Variants in TMEM273 observed in about 807,000 individuals in gnomAD.
TMEM273 encodes chromosome 10 open reading frame 128.
In TMEM273, 19 loss-of-function variants were observed where a neutral mutation model predicts 17.9. The ratio of observed to expected loss-of-function variants is 1.06; its 90% CI spans 0.74 to 1.55. TMEM273 has a LOEUF of 1.55. TMEM273 is among the 40% of genes most tolerant of loss of function. The pLI is 0.00. For missense variants in TMEM273, 194 were observed against 155.6 expected (o/e 1.25, Z -1.31); for synonymous variants, 66 against 62.0 (o/e 1.07, Z -0.31).
rs368180537 is a variant in TMEM273, at chr10:49,166,850, C to G, written c.238+19G>C. The G allele has an allele frequency of 3.1e-6, 5 of 1,612,630 alleles. No homozygotes were observed. Among genetic ancestry groups the G allele is most frequent in the East Asian group, 2.2e-5 (1 of 44,894 alleles). Reference sequence around the variant, plus strand: ...TCGCTGGGTGGGGCAGAGCCAGGCCCGAGCACCACATCCCTCACCACTGAG... The same window carrying G: ...TCGCTGGGTGGGGCAGAGCCAGGCCGGAGCACCACATCCCTCACCACTGAG... On this transcript the variant is annotated intron_variant, in intron 3 of 6. Coordinates refer to ENST00000374153, the MANE Select transcript of TMEM273 (RefSeq NM_001288740.3).
chr10:49,173,045 G>T (rs1846686637), intron 1 of TMEM273, among the ~76,000 whole-genome samples: 1 of 152,208 alleles, frequency 6.6e-6, no homozygotes, highest in African/African-American at 2.4e-5. Context: ...TGAGAAGCAA[G>T]AATGTCTTCC....
chr10:49,159,799 C>G (rs74554464), intron 6 of TMEM273, among the ~76,000 whole-genome samples: 4,039 of 152,128 alleles, frequency 0.027, 169 homozygotes, highest in African/African-American at 0.093. Flanking sequence ...CCCTTGGGAG[C>G]AGGTCAAGGT....
chr10:49,174,283 T>G (rs571723996), intron 1 of TMEM273, among the ~76,000 whole-genome samples: 1 of 152,376 alleles, frequency 6.6e-6, no homozygotes, highest in East Asian at 1.9e-4. Context: ...CAAATGGGTC[T>G]GCTTCTCAGG....
intron 1 of TMEM273, among the ~76,000 whole-genome samples, chr10:49,170,219 A>G (rs1447188785): frequency 2.0e-5 from 3 of 152,246 alleles, no homozygotes; most frequent in South Asian, 2.1e-4. Flanking sequence ...CACTCAGACC[A>G]TCATTGGGAG....
intron 1 of TMEM273, among the ~76,000 whole-genome samples, chr10:49,187,425 A>T (rs1486172693): frequency 2.0e-5 from 3 of 152,232 alleles, no homozygotes; most frequent in African/African-American, 4.8e-5. Flanking sequence ...ACAAGATTTA[A>T]TCTGGAGACA....
chr10:49,168,053 A>C, intron 1 of TMEM273, 91 bp from the exon 2 acceptor site: 1 of 1,510,328 alleles, frequency 6.6e-7, no homozygotes, highest in Non-Finnish European at 9.1e-7. Flanking sequence ...AGCCTACCCC[A>C]TGTACCCACC....
chr10:49,168,050 C>G, intron 1 of TMEM273, 88 bp from the exon 2 acceptor site: 1 of 1,516,952 alleles, frequency 6.6e-7, no homozygotes, highest in Non-Finnish European at 9.1e-7. Context: ...GAAAGCCTAC[C>G]CCATGTACCC....
intron 1 of TMEM273, among the ~76,000 whole-genome samples, chr10:49,171,260 G>A (rs575212257): frequency 5.9e-5 from 9 of 152,202 alleles, no homozygotes; most frequent in Admixed American, 3.9e-4. Context: ...TGCTACCACC[G>A]ACTGCATAAG....
intron 1 of TMEM273, among the ~76,000 whole-genome samples, chr10:49,180,353 T>A (rs1409397038): frequency 6.6e-6 from 1 of 152,058 alleles, no homozygotes; most frequent in Non-Finnish European, 1.5e-5. Context: ...CTCAAACAAG[T>A]GCTAATTACT....
chr10:49,172,132 A>G (rs1188579130), intron 1 of TMEM273, among the ~76,000 whole-genome samples: 2 of 152,210 alleles, frequency 1.3e-5, no homozygotes, highest in Non-Finnish European at 2.9e-5. Context: ...CATGAATTCC[A>G]ACATTCTCAG....
rs1005998210 is a variant in TMEM273 at position 49,161,632 on chromosome 10, A to G, written c.349-10T>C. 3 of 1,614,220 alleles carry G rather than the reference A, an allele frequency of 1.9e-6. No individual in the cohort carries two copies. The highest frequency in any genetic ancestry group is 8.5e-7 in the Non-Finnish European group (1 of 1,180,028). On this transcript the variant is annotated splice_polypyrimidine_tract_variant and intron_variant, in intron 5 of 6. Coordinates refer to ENST00000374153, the MANE Select transcript of TMEM273 (RefSeq NM_001288740.3). ...GAAATTGTGGTTTCGCCTGCAAAAC[A>G]AGATAAAAGGGTGTTCATTGCCTAA...
chr10:49,156,141 AAC>A, intron 6 of TMEM273: 1 of 1,532,798 alleles, frequency 6.5e-7, no homozygotes, highest in Non-Finnish European at 8.8e-7. Flanking sequence ...ACCCAAGGCA[AAC>A]AAAACTTCAT....
chr10:49,168,655 T>C (rs1000922155), intron 1 of TMEM273, among the ~76,000 whole-genome samples: 34 of 126,530 alleles, frequency 2.7e-4, no homozygotes, highest in African/African-American at 1.0e-3. Context: ...CATTGGTGAA[T>C]GGAAGGAAGG....
chr10:49,161,285 G>T, intron 6 of TMEM273: 1 of 391,310 alleles, frequency 2.6e-6, no homozygotes. Context: ...CTAATTATTA[G>T]ATTGGACACT....
At chr10:49,163,313 G>GAC (rs1306922113) in intron 5 of TMEM273, among the ~76,000 whole-genome samples, 2 of 151,896 alleles carry the variant, frequency 1.3e-5, no homozygotes, top group Non-Finnish European at 2.9e-5. Context: ...GTGTGAGAGA[G>GAC]AGAGAGAGAG....
At chr10:49,178,321 G>T in intron 1 of TMEM273, 1 of 456,884 alleles carries the variant, frequency 2.2e-6, no homozygotes, top group Non-Finnish European at 4.4e-6. Flanking sequence ...AGAGGCTGAT[G>T]TTCCACTTCG....
intron 6 of TMEM273, chr10:49,156,277 G>C: frequency 7.5e-7 from 1 of 1,330,198 alleles, no homozygotes; most frequent in Non-Finnish European, 9.9e-7. Context: ...GAACAAGATA[G>C]ATAGACCTAT....
intron 1 of TMEM273, among the ~76,000 whole-genome samples, chr10:49,186,493 T>C (rs1847738255): frequency 6.6e-6 from 1 of 152,214 alleles, no homozygotes; most frequent in Admixed American, 6.5e-5. Flanking sequence ...CAAATTGCCC[T>C]CTGGAGAGAG....
chr10:49,165,813 G>A lies in TMEM273; in HGVS notation c.239-17C>T, dbSNP rs79009803. ...GGATGGTGTCTAAACAGAGAAAGCC[G>A]GGCATTAGGAAGGGGGTCGTGTGAC... On this transcript the variant is annotated splice_polypyrimidine_tract_variant and intron_variant, in intron 3 of 6. Coordinates refer to ENST00000374153, the MANE Select transcript of TMEM273 (RefSeq NM_001288740.3). 4.6e-4 allele frequency: 737 copies of A among 1,614,124 alleles called. 1 individual carries two copies. In the African/African-American group the frequency reaches 6.4e-3, roughly 14 times the overall value.
Sources: allele counts gnomAD v4.1 joint callset (sites outside exome capture counted in the v4.1 genomes callset), GRCh38; gene constraint gnomAD v4.1.1; transcripts MANE v1.5; gene names NCBI Gene and HGNC (gene_info 2026-07-23, HGNC 2026-07-21).